The following SLCO5A1 variants were observed in gnomAD, a reference collection of about 807,000 sequenced individuals.
The protein encoded by SLCO5A1 is organic anion transporter polypeptide-related protein 4.
In SLCO5A1, 39 loss-of-function variants were observed where a neutral mutation model predicts 65.1. That is an observed-to-expected ratio of 0.60 (90% CI 0.46 to 0.78). SLCO5A1 has a LOEUF of 0.78. Ranked by LOEUF, SLCO5A1 falls within the 30% of genes least tolerant of loss-of-function variation. The probability of loss-of-function intolerance (pLI) is 0.00; values close to 1 mark genes in which losing one functional copy is unlikely to be tolerated. For synonymous variants in SLCO5A1, 438 were observed against 415.7 expected, an observed-to-expected ratio of 1.05 and a Z score of -0.65; for missense variants, 1,029 against 1,069.4, an observed-to-expected ratio of 0.96 and a Z score of 0.53.
intron 2 of SLCO5A1, among the ~76,000 whole-genome samples, chr8:69,784,899 A>AAAGAAAGAAAGAAAGG (rs1818973494): frequency 3.5e-5 from 1 of 28,460 alleles, no homozygotes; most frequent in East Asian, 8.7e-4. Context: ...AGAAAGGAAG[A>AAAGAAAGAAAGAAAGG]AAGAAAGAAA....
chr8:69,786,775 T>G (rs552679518), intron 2 of SLCO5A1, among the ~76,000 whole-genome samples: 13 of 152,284 alleles, frequency 8.5e-5, no homozygotes, highest in African/African-American at 3.1e-4. Flanking sequence ...GTCTAGGTAA[T>G]TGAGGAAAAT....
chr8:69,717,316 G>A (rs981229333), intron 5 of SLCO5A1, among the ~76,000 whole-genome samples: 12 of 152,088 alleles, frequency 7.9e-5, no homozygotes, highest in Middle Eastern at 3.4e-3. Context: ...TTTTGCATGC[G>A]GCTATTCAGT....
At chr8:69,803,204 T>C (rs1819832945) in intron 2 of SLCO5A1, among the ~76,000 whole-genome samples, 1 of 151,674 alleles carries the variant, frequency 6.6e-6, no homozygotes, top group Admixed American at 6.6e-5. Context: ...TCATCTGAGG[T>C]TGAGAGTTCA....
At chr8:69,760,188 C>A (rs1270908141) in intron 3 of SLCO5A1, among the ~76,000 whole-genome samples, 2 of 152,118 alleles carry the variant, frequency 1.3e-5, no homozygotes, top group East Asian at 1.9e-4. Context: ...GGTTTTCTGA[C>A]AATGAAAAAC....
At chr8:69,770,504 C>T (rs113037721) in intron 2 of SLCO5A1, among the ~76,000 whole-genome samples, 100 of 152,236 alleles carry the variant, frequency 6.6e-4, no homozygotes, top group African/African-American at 2.3e-3. Context: ...TTGCGACACC[C>T]ACCCACATAT....
chr8:69,824,454 G>A (rs1015939088), intron 2 of SLCO5A1, among the ~76,000 whole-genome samples: 162 of 152,142 alleles, frequency 1.1e-3, no homozygotes, highest in African/African-American at 3.5e-3. Flanking sequence ...TATCACCACC[G>A]ATCCCACAGA....
intron 2 of SLCO5A1, among the ~76,000 whole-genome samples, chr8:69,775,476 C>G (rs951115191): frequency 6.6e-6 from 1 of 152,112 alleles, no homozygotes; most frequent in Non-Finnish European, 1.5e-5. Flanking sequence ...TAAAAAAAAT[C>G]AGATTGCCAC....
chr8:69,704,965 C>T, intron 6 of SLCO5A1, 66 bp downstream of exon 6: 1 of 1,478,340 alleles, frequency 6.8e-7, no homozygotes, highest in Non-Finnish European at 9.3e-7. Context: ...ACTGCAGATG[C>T]ACAAACACCA....
intron 2 of SLCO5A1, among the ~76,000 whole-genome samples, chr8:69,825,908 C>G (rs1820869515): frequency 6.6e-6 from 1 of 152,206 alleles, no homozygotes; most frequent in Non-Finnish European, 1.5e-5. Context: ...ACCAAAACAG[C>G]ATGGTACTGG....
chr8:69,826,108 A>T (rs1184206111), intron 2 of SLCO5A1, among the ~76,000 whole-genome samples: 1 of 152,238 alleles, frequency 6.6e-6, no homozygotes, highest in Non-Finnish European at 1.5e-5. Flanking sequence ...TCCCTTCCTT[A>T]CACCTTATAC....
At chr8:69,819,495 A>G (rs930901124) in intron 2 of SLCO5A1, among the ~76,000 whole-genome samples, 2 of 152,186 alleles carry the variant, frequency 1.3e-5, no homozygotes, top group African/African-American at 4.8e-5. Context: ...ATCGGTTTTT[A>G]AAAGTGATAT....
chr8:69,746,817 A>G (rs1050643234), intron 4 of SLCO5A1, among the ~76,000 whole-genome samples: 11 of 152,216 alleles, frequency 7.2e-5, no homozygotes, highest in African/African-American at 2.7e-4. Context: ...CCAGCCAGCG[A>G]GAGACTGCCC....
At chr8:69,827,384 T>C (rs958094513) in intron 2 of SLCO5A1, among the ~76,000 whole-genome samples, 6 of 152,204 alleles carry the variant, frequency 3.9e-5, no homozygotes, top group African/African-American at 7.2e-5. Flanking sequence ...TCTATGCTCC[T>C]AGTCAATTCT....
intron 2 of SLCO5A1, among the ~76,000 whole-genome samples, chr8:69,823,474 T>A (rs896680344): frequency 2.6e-4 from 39 of 152,200 alleles, no homozygotes; most frequent in Non-Finnish European, 5.0e-4. Flanking sequence ...GGGGTTGCAA[T>A]CCTAGTCTCT....
chr8:69,785,680 T>C (rs971623588), intron 2 of SLCO5A1, among the ~76,000 whole-genome samples: 1 of 152,204 alleles, frequency 6.6e-6, no homozygotes, highest in African/African-American at 2.4e-5. Context: ...AACCCAAGTC[T>C]GACTTTGAAA....
At chr8:69,677,361 G>T (rs1474745799) in intron 8 of SLCO5A1, among the ~76,000 whole-genome samples, 1 of 152,140 alleles carries the variant, frequency 6.6e-6, no homozygotes, top group East Asian at 1.9e-4. Flanking sequence ...CTGGCGATTT[G>T]CCATTTATGA....
rs1813404520 is a variant in SLCO5A1, at chr8:69,673,184, G to A, written c.2232C>T (p.Gly744=). 6.2e-7 allele frequency: 1 copy of A among 1,614,070 alleles called. No homozygotes were observed. The highest frequency in any genetic ancestry group is 1.3e-5 in the African/African-American group (1 of 74,924). The change falls in exon 10 of 10, where the codon GGC becomes GGT. Residue 744 remains glycine (G), a synonymous_variant. Transcript: ENST00000260126. ...TAAAAATAAACCCAACGAATTTGAG[G>A]CCGGCAGCCAAACCAAAATACACAA... ...FRFVYFGLAA[G]LKFVGFIFIF... is the part of the protein sequence containing the mutation.
intron 2 of SLCO5A1, among the ~76,000 whole-genome samples, chr8:69,826,741 A>G (rs536631030): frequency 1.3e-5 from 2 of 152,310 alleles, no homozygotes; most frequent in South Asian, 4.1e-4. Flanking sequence ...CAGTGTGGCG[A>G]TTCCTCAGGG....
rs143530134 is a variant in SLCO5A1, at chr8:69,676,505, A to G, written c.2089+104T>C. On this transcript the variant is annotated intron_variant, in intron 9 of 9. Coordinates refer to ENST00000260126, the MANE Select transcript of SLCO5A1 (RefSeq NM_030958.3). The stretch of plus-strand genomic sequence containing the variant: ...CCTCACCACTAGCCTGTAAAATCTT[A>G]TTCATGGTAATAAATGACATGACTT... 541 of 925,172 alleles carry G rather than the reference A, an allele frequency of 5.8e-4. 2 individuals are homozygous for G. In the African/African-American group the frequency reaches 8.2e-3, roughly 14 times the overall value. The allele number at this position is 925,172 out of a possible 1,614,324, so 57.3% of individuals were successfully genotyped here.
Sources: allele counts gnomAD v4.1 joint callset (sites outside exome capture counted in the v4.1 genomes callset), GRCh38; gene constraint gnomAD v4.1.1; transcripts MANE v1.5; gene names NCBI Gene and HGNC (gene_info 2026-07-23, HGNC 2026-07-21).